Variants in PHF24 observed in about 807,000 individuals in gnomAD.
PHF24 encodes the protein Galpha inhibitory interacting protein.
PHF24 carries 25 observed loss-of-function variants against 42.6 expected under a neutral mutation model. The ratio of observed to expected loss-of-function variants is 0.59; its 90% CI spans 0.43 to 0.82. PHF24 has a LOEUF of 0.82. Among genes scored for constraint, PHF24 ranks in the 40% least tolerant of loss-of-function variants. The probability of loss-of-function intolerance (pLI) is 0.00; values close to 1 mark genes in which losing one functional copy is unlikely to be tolerated. For missense variants in PHF24, 470 were observed against 538.1 expected (o/e 0.87, Z 1.25); for synonymous variants, 185 against 204.8 (o/e 0.90, Z 0.83).
chr9:34,886,834 G>GTATCTATGTATCTATCTATCTATCTATC, the PHF24 span, among the ~76,000 whole-genome samples: 2 of 148,694 alleles, frequency 1.3e-5, no homozygotes, highest in African/African-American at 2.5e-5. Context: ...ATGTATCTAT[G>GTATCTATGTATCTATCTATCTATCTATC]TATCTATCTA....
At chr9:34,750,816 A>G in the PHF24 span, among the ~76,000 whole-genome samples, 2 of 152,140 alleles carry the variant, frequency 1.3e-5, no homozygotes, top group African/African-American at 4.8e-5. Context: ...AAACAACCAG[A>G]AAACAAATTT....
the PHF24 span, among the ~76,000 whole-genome samples, chr9:34,882,977 C>A: frequency 6.6e-6 from 1 of 152,120 alleles, no homozygotes; most frequent in African/African-American, 2.4e-5. Context: ...TACAAGGCTA[C>A]AGTAACCAAA....
the PHF24 span, chr9:34,918,284 G>A: frequency 7.5e-7 from 1 of 1,324,718 alleles, no homozygotes; most frequent in Non-Finnish European, 1.1e-6. Flanking sequence ...AGCCCTTCCA[G>A]TACAAAAACT....
At chr9:34,709,824 G>T in the PHF24 span, 1 of 1,614,196 alleles carries the variant, frequency 6.2e-7, no homozygotes, top group Non-Finnish European at 8.5e-7. Flanking sequence ...GCTTCCGGTA[G>T]CTGCGGACAA....
chr9:34,801,619 C>T, the PHF24 span, among the ~76,000 whole-genome samples: 3 of 151,790 alleles, frequency 2.0e-5, no homozygotes, highest in Non-Finnish European at 4.4e-5. Context: ...CCCAGCTACT[C>T]GGGAGGCTGA....
the PHF24 span, among the ~76,000 whole-genome samples, chr9:34,810,790 AT>A: frequency 6.6e-6 from 1 of 151,942 alleles, no homozygotes; most frequent in African/African-American, 2.4e-5. Flanking sequence ...CCCTATTCGG[AT>A]TTTTCTTCTC....
chr9:34,815,523 C>T, the PHF24 span, among the ~76,000 whole-genome samples: 6 of 152,120 alleles, frequency 3.9e-5, no homozygotes, highest in African/African-American at 1.2e-4. Flanking sequence ...AGGGTTTCAC[C>T]GTGTTAGCCA....
the PHF24 span, among the ~76,000 whole-genome samples, chr9:34,854,975 T>C: frequency 2.0e-5 from 3 of 152,212 alleles, no homozygotes; most frequent in Non-Finnish European, 4.4e-5. Context: ...TTGGTGTATG[T>C]ATATTTAGGA....
the PHF24 span, chr9:34,729,203 G>T: frequency 6.9e-7 from 1 of 1,443,164 alleles, no homozygotes; most frequent in South Asian, 1.5e-5. Context: ...ATTCTGGGGT[G>T]GGGATTATAA....
At chr9:34,747,421 A>G in the PHF24 span, among the ~76,000 whole-genome samples, 2 of 152,324 alleles carry the variant, frequency 1.3e-5, no homozygotes, top group African/African-American at 4.8e-5. Flanking sequence ...GTCTCTTAAA[A>G]AGAAAAAAAA....
At chr9:34,905,359 C>CTGTT in the PHF24 span, among the ~76,000 whole-genome samples, 4 of 152,158 alleles carry the variant, frequency 2.6e-5, no homozygotes, top group African/African-American at 7.2e-5. Flanking sequence ...AGTTTTTTCC[C>CTGTT]TGTTAGCTAA....
chr9:34,667,531 G>C, the PHF24 span, among the ~76,000 whole-genome samples: 1 of 152,210 alleles, frequency 6.6e-6, no homozygotes, highest in Non-Finnish European at 1.5e-5. Flanking sequence ...AGGAACTAGA[G>C]GCCTGGTCTT....
the PHF24 span, among the ~76,000 whole-genome samples, chr9:34,774,270 T>C: frequency 6.6e-6 from 1 of 152,166 alleles, no homozygotes; most frequent in Non-Finnish European, 1.5e-5. Context: ...TCAAAAACTT[T>C]TGTGCATCGA....
At chr9:34,894,098 G>A in the PHF24 span, among the ~76,000 whole-genome samples, 5 of 152,208 alleles carry the variant, frequency 3.3e-5, no homozygotes, top group Admixed American at 3.3e-4. Flanking sequence ...GAATAAGACA[G>A]GGATGACTTC....
chr9:34,675,188 T>C, the PHF24 span, among the ~76,000 whole-genome samples: 1 of 152,074 alleles, frequency 6.6e-6, no homozygotes, highest in African/African-American at 2.4e-5. Context: ...TTTCAATCCA[T>C]CTCTTTGTGG....
chr9:34,786,875 A>G, the PHF24 span, among the ~76,000 whole-genome samples: 2 of 152,320 alleles, frequency 1.3e-5, no homozygotes, highest in African/African-American at 4.8e-5. Flanking sequence ...GATCAGACAC[A>G]CCATTTGGTG....
the PHF24 span, among the ~76,000 whole-genome samples, chr9:34,877,153 C>T: frequency 2.8e-4 from 43 of 151,794 alleles, no homozygotes; most frequent in Non-Finnish European, 4.3e-4. Context: ...TGGTGGCACA[C>T]GCCTATAATC....
the PHF24 span, chr9:34,723,231 G>A: frequency 7.1e-6 from 11 of 1,551,038 alleles, no homozygotes; most frequent in Middle Eastern, 1.7e-4. Flanking sequence ...AGGGTCAGGA[G>A]CTAGGTTGGG....
At chr9:34,830,431 A>T in the PHF24 span, among the ~76,000 whole-genome samples, 1 of 152,232 alleles carries the variant, frequency 6.6e-6, no homozygotes, top group South Asian at 2.1e-4. Context: ...ACCTTGAGCT[A>T]TGCTGTTCTG....
Sources: allele counts gnomAD v4.1 joint callset (sites outside exome capture counted in the v4.1 genomes callset), GRCh38; gene constraint gnomAD v4.1.1; transcripts MANE v1.5; gene names NCBI Gene and HGNC (gene_info 2026-07-23, HGNC 2026-07-21).